Variants in DPY19L2 observed in about 807,000 individuals in gnomAD.
DPY19L2 encodes the protein probable C-mannosyltransferase DPY19L2.
A neutral mutation model predicts 97.9 loss-of-function variants in DPY19L2; 34 were observed. The ratio of observed to expected loss-of-function variants is 0.35; its 90% CI spans 0.26 to 0.46. The LOEUF is 0.46. Among genes scored for constraint, DPY19L2 ranks in the 20% least tolerant of loss-of-function variants. DPY19L2 has a pLI of 1.00. For missense variants in DPY19L2, 623 were observed against 911.4 expected (o/e 0.68, Z 4.07); for synonymous variants, 230 against 307.9 (o/e 0.75, Z 2.65).
chr12:63,564,214 T>G (rs1241427709), intron 21 of DPY19L2, among the ~76,000 whole-genome samples: 3 of 152,160 alleles, frequency 2.0e-5, no homozygotes, highest in Non-Finnish European at 2.9e-5. Context: ...TTTCCCTGTT[T>G]TAGGAGGAAA....
Position 63,665,857 on chromosome 12 carries a change from C to T in DPY19L2, c.340G>A (p.Val114Ile). The change falls in exon 2 of 22, where the codon GTC becomes ATC. Residue 114 changes from valine (V) to isoleucine (I), a missense_variant and splice_region_variant. Physicochemically the swap from Val to Ile is conservative, Grantham distance 29. Transcript: ENST00000324472. ...FSSRTTLGIA[V>I]FVAILHWLHL... ...TACCAATGTAAAATTGCCACAAAGA[C>T]AGCTGGAATAAAGAAAAAAAGGAAA... is the stretch of plus-strand genomic sequence containing the variant. 1 of 1,584,788 alleles carries T rather than the reference C, an allele frequency of 6.3e-7. No homozygotes were observed. Among genetic ancestry groups the T allele is most frequent in the East Asian group, 2.3e-5 (1 of 44,334 alleles).
chr12:63,581,936 A>G (rs57632012), intron 18 of DPY19L2, among the ~76,000 whole-genome samples: 81 of 147,372 alleles, frequency 5.5e-4, no homozygotes, highest in African/African-American at 2.0e-3. Context: ...AGGTAGCTGG[A>G]ATTACAGGCA....
intron 12 of DPY19L2, among the ~76,000 whole-genome samples, chr12:63,608,377 G>A (rs1198235259): frequency 6.6e-6 from 1 of 152,134 alleles, no homozygotes; most frequent in Non-Finnish European, 1.5e-5. Flanking sequence ...AAACATAAAG[G>A]AAGAGTGGCC....
rs1186109187 is a variant in DPY19L2 at position 63,640,073 on chromosome 12, C to A, written c.803+4330G>T. 1.3e-4 allele frequency among the ~76,000 whole-genome samples: 20 copies of A among 152,096 alleles called. 1 individual carries two copies. Among genetic ancestry groups the A allele is most frequent in the Non-Finnish European group, 1.5e-5 (1 of 68,004 alleles). ...GTAGGGACATGGATGAAGCTGGAAA[C>A]CATCATTCTGAGCAAACTGTCCCAA... is the stretch of plus-strand genomic sequence containing the variant. On this transcript the variant is annotated intron_variant, in intron 6 of 21. Coordinates refer to ENST00000324472, the MANE Select transcript of DPY19L2 (RefSeq NM_173812.5).
chr12:63,632,468 G>A (rs546514127), intron 6 of DPY19L2, among the ~76,000 whole-genome samples: 5 of 152,234 alleles, frequency 3.3e-5, no homozygotes, highest in African/African-American at 4.8e-5. Context: ...ATTCACAATT[G>A]CTTCAAAGAG....
intron 13 of DPY19L2, among the ~76,000 whole-genome samples, chr12:63,600,090 G>A (rs1480817416): frequency 6.6e-6 from 1 of 152,024 alleles, no homozygotes; most frequent in Non-Finnish European, 1.5e-5. Flanking sequence ...TACTAAAAGG[G>A]CAAGTCAGCA....
chr12:63,596,419 G>T lies in DPY19L2; in HGVS notation c.1462-382C>A, dbSNP rs1884255019. Among the ~76,000 whole-genome samples the T allele has an allele frequency of 2.6e-5, 4 of 152,046 alleles. No homozygotes were observed. The South Asian group carries it at 8.3e-4, about 31-fold the overall frequency. On this transcript the variant is annotated intron_variant, in intron 14 of 21. Transcript: ENST00000324472. ...CATTATTTTCATTAGTGAAACTAGA[G>T]CTAACAAGAAAGAACGCTAACCAAA...
intron 16 of DPY19L2, among the ~76,000 whole-genome samples, chr12:63,587,557 A>AATTATTATTATTATTATTATTATT (rs201195590): frequency 2.2e-5 from 3 of 136,228 alleles, no homozygotes; most frequent in Non-Finnish European, 3.1e-5. Flanking sequence ...CATTTTTAAA[A>AATTATTATTATTATTATTATTATT]ATTATTATTA....
At chr12:63,591,136 A>C in intron 16 of DPY19L2, 1 of 455,600 alleles carries the variant, frequency 2.2e-6, no homozygotes, top group Non-Finnish European at 4.4e-6. Flanking sequence ...GTCTGGAACA[A>C]TATAGAATGG....
At chr12:63,599,185 A>C (rs1476599119) in intron 13 of DPY19L2, among the ~76,000 whole-genome samples, 14 of 151,806 alleles carry the variant, frequency 9.2e-5, no homozygotes, top group Admixed American at 2.0e-4. Flanking sequence ...AAACAAAAAA[A>C]AAAAAAAAAA....
chr12:63,594,652 C>A (rs199594180), intron 15 of DPY19L2, among the ~76,000 whole-genome samples: 2 of 111,886 alleles, frequency 1.8e-5, no homozygotes, highest in Non-Finnish European at 3.6e-5. Context: ...GTGTGCGTGT[C>A]TGTGTGTGTG....
chr12:63,582,307 G>A, intron 18 of DPY19L2, 99 bp downstream of exon 18: 1 of 1,238,494 alleles, frequency 8.1e-7, no homozygotes, highest in Non-Finnish European at 1.1e-6. Flanking sequence ...AAAACACTTA[G>A]TGTGTTTATA....
intron 4 of DPY19L2, among the ~76,000 whole-genome samples, chr12:63,651,304 G>C (rs1197022226): frequency 6.6e-6 from 1 of 152,026 alleles, no homozygotes; most frequent in Admixed American, 6.6e-5. Flanking sequence ...GAAAACCCTA[G>C]AAGAAAACAG....
intron 20 of DPY19L2, among the ~76,000 whole-genome samples, chr12:63,569,890 T>C (rs1012795235): frequency 6.6e-6 from 1 of 152,102 alleles, no homozygotes; most frequent in African/African-American, 2.4e-5. Context: ...TTGACTGTAG[T>C]GGGAGTTCTT....
In DPY19L2 at chr12:63,618,165, T is replaced by C. The variant is rs1210466848; in HGVS notation, c.1117A>G (p.Ile373Val). The stretch of plus-strand genomic sequence containing the variant: ...AAAAATGTTACCATGTTCATATAAA[T>C]GATCTTCTGAAATTTGCTTGGTTCA... ...YIEPSKFQKIIYMNMISVTLS... is the reference protein window; with the variant it reads ...YIEPSKFQKIVYMNMISVTLS... Residue 373 changes from isoleucine (I) to valine (V), a missense_variant, in exon 10 of 22, where the codon ATT becomes GTT. Ile to Val is a conservative substitution (Grantham distance 29, BLOSUM62 3). This residue lies in a region of DPY19L2 where 7 missense variants were observed against 55.0 expected (regional missense o/e 0.13). Coordinates refer to ENST00000324472, the MANE Select transcript of DPY19L2 (RefSeq NM_173812.5). 5.0e-6 allele frequency: 5 copies of C among 993,620 alleles called. No homozygotes were observed. In the African/African-American group the frequency reaches 6.6e-5, roughly 13 times the overall value. 61.6% of individuals were successfully genotyped at this position (993,620 alleles called of 1,614,324 possible).
At chr12:63,592,844 C>G (rs368984493) in intron 16 of DPY19L2, among the ~76,000 whole-genome samples, 24 of 152,146 alleles carry the variant, frequency 1.6e-4, no homozygotes, top group South Asian at 1.2e-3. Context: ...CCATCAGAGT[C>G]AACAGGCAAC....
intron 16 of DPY19L2, among the ~76,000 whole-genome samples, chr12:63,589,210 G>T (rs1253100270): frequency 1.3e-5 from 2 of 151,646 alleles, no homozygotes; most frequent in South Asian, 4.2e-4. Flanking sequence ...GTTCTAGCAC[G>T]ACAAGAAAGT....
At chr12:63,606,178 A>G (rs1223232459) in intron 12 of DPY19L2, among the ~76,000 whole-genome samples, 2 of 152,038 alleles carry the variant, frequency 1.3e-5, no homozygotes, top group South Asian at 2.1e-4. Flanking sequence ...ATAATTTGTC[A>G]ATTATTTTAT....
chr12:63,582,718 G>A (rs796740074), intron 17 of DPY19L2, among the ~76,000 whole-genome samples, 193 bp from the exon 18 acceptor site: 9 of 152,278 alleles, frequency 5.9e-5, no homozygotes, highest in African/African-American at 1.9e-4. Context: ...TTCGGATACA[G>A]CAGTGAGCAA....
Sources: allele counts gnomAD v4.1 joint callset (sites outside exome capture counted in the v4.1 genomes callset), GRCh38; gene constraint gnomAD v4.1.1; regional missense constraint gnomAD v4.1.1; transcripts MANE v1.5; gene names NCBI Gene and HGNC (gene_info 2026-07-23, HGNC 2026-07-21).